Variants in COL22A1 observed in about 807,000 individuals in gnomAD.
The protein encoded by COL22A1 is collagen type XXII alpha 1 chain.
A neutral mutation model predicts 248.9 loss-of-function variants in COL22A1; 221 were observed. That is an observed-to-expected ratio of 0.89 (90% CI 0.80 to 0.99). The LOEUF is 0.99. Among genes scored for constraint, COL22A1 ranks in the 50% least tolerant of loss-of-function variants. The pLI is 0.00. For missense variants in COL22A1, 2,240 were observed against 2,179.0 expected (o/e 1.03, Z -0.56); for synonymous variants, 891 against 793.4 (o/e 1.12, Z -2.07).
intron 47 of COL22A1, among the ~76,000 whole-genome samples, chr8:138,639,238 C>T (rs1436600014): frequency 1.3e-5 from 2 of 152,212 alleles, no homozygotes; most frequent in African/African-American, 2.4e-5. Flanking sequence ...TGAGCTCACA[C>T]AGCTTATAGA....
intron 12 of COL22A1, among the ~76,000 whole-genome samples, chr8:138,785,536 T>C (rs1815442041): frequency 6.6e-6 from 1 of 152,204 alleles, no homozygotes; most frequent in Admixed American, 6.5e-5. Context: ...GAGATGTTGG[T>C]CACCCACTTA....
At chr8:138,847,079 C>T (rs1355710633) in intron 3 of COL22A1, among the ~76,000 whole-genome samples, 3 of 152,180 alleles carry the variant, frequency 2.0e-5, no homozygotes, top group Non-Finnish European at 4.4e-5. Flanking sequence ...CGTCAGGTCC[C>T]AGTGTCCAAG....
intron 56 of COL22A1, among the ~76,000 whole-genome samples, chr8:138,610,102 G>A (rs1206410328): frequency 1.3e-5 from 2 of 152,210 alleles, no homozygotes; most frequent in Non-Finnish European, 2.9e-5. Flanking sequence ...TCCAAATCCT[G>A]GCTGTGCCAC....
rs192542667 is a variant in COL22A1, at chr8:138,881,461, G to A, written c.91+1621C>T. On this transcript the variant is annotated intron_variant, in intron 2 of 64. Transcript: ENST00000303045. ...AGCACTTTGGGAGGCCGAGGCGGGCGGATCACGAGGTGAGGCGATCGAGAC... is the reference window on the plus strand; with the variant it reads ...AGCACTTTGGGAGGCCGAGGCGGGCAGATCACGAGGTGAGGCGATCGAGAC... 3.4e-3 allele frequency among the ~76,000 whole-genome samples: 512 copies of A among 152,216 alleles called. 3 individuals are homozygous for A. The highest frequency in any genetic ancestry group is 9.4e-3 in the African/African-American group (391 of 41,542).
intron 1 of COL22A1, among the ~76,000 whole-genome samples, chr8:138,890,286 G>T (rs560093460): frequency 6.6e-6 from 1 of 152,232 alleles, no homozygotes; most frequent in African/African-American, 2.4e-5. Flanking sequence ...ATCCTCAATG[G>T]TGAAAGACTG....
At chr8:138,739,453 A>G (rs776571736) in intron 22 of COL22A1, among the ~76,000 whole-genome samples, 7 of 151,634 alleles carry the variant, frequency 4.6e-5, no homozygotes, top group Admixed American at 6.6e-5. Flanking sequence ...CCAGAATAGC[A>G]CTCCCTCTGT....
At chr8:138,594,512 A>AGGACAGCCAC (rs1232953492) in intron 62 of COL22A1, among the ~76,000 whole-genome samples, 1 of 152,206 alleles carries the variant, frequency 6.6e-6, no homozygotes, top group East Asian at 1.9e-4. Context: ...CTGGGATCCC[A>AGGACAGCCAC]GGACAGCCAC....
At chr8:138,605,941 C>T (rs948988881) in intron 58 of COL22A1, among the ~76,000 whole-genome samples, 1 of 152,134 alleles carries the variant, frequency 6.6e-6, no homozygotes, top group Non-Finnish European at 1.5e-5. Context: ...CTATTATTTC[C>T]AGGGGTCCTT....
At chr8:138,631,172 T>C (rs550395147) in intron 49 of COL22A1, among the ~76,000 whole-genome samples, 1 of 152,306 alleles carries the variant, frequency 6.6e-6, no homozygotes, top group South Asian at 2.1e-4. Flanking sequence ...CAATAAAACC[T>C]CTTTTCTTTA....
At chr8:138,832,948 C>T (rs191048160) in intron 5 of COL22A1, 91 bp downstream of exon 5, 27 of 821,930 alleles carry the variant, frequency 3.3e-5, no homozygotes, top group Middle Eastern at 3.4e-4. Flanking sequence ...AAGCCCGGCT[C>T]GGTGCCAAGT....
chr8:138,671,355 G>A (rs1825009737), intron 41 of COL22A1, among the ~76,000 whole-genome samples: 1 of 152,150 alleles, frequency 6.6e-6, no homozygotes, highest in African/African-American at 2.4e-5. Context: ...TGAGAGAAAT[G>A]TAAAGAAACA....
intron 30 of COL22A1, among the ~76,000 whole-genome samples, chr8:138,705,047 T>A (rs1370877640): frequency 6.6e-6 from 1 of 151,874 alleles, no homozygotes; most frequent in East Asian, 1.9e-4. Flanking sequence ...GAAGATCAAA[T>A]GAATGAAATG....
intron 45 of COL22A1, among the ~76,000 whole-genome samples, chr8:138,654,849 TG>T (rs1219350925): frequency 6.6e-6 from 1 of 152,106 alleles, no homozygotes; most frequent in Non-Finnish European, 1.5e-5. Flanking sequence ...TTTCCTCTCG[TG>T]GGAAAAGCAA....
chr8:138,610,294 T>C (rs1295101870), intron 56 of COL22A1, among the ~76,000 whole-genome samples: 1 of 152,240 alleles, frequency 6.6e-6, no homozygotes, highest in Non-Finnish European at 1.5e-5. Context: ...GGTTGCCATA[T>C]GGCCTATTCT....
At chr8:138,790,248 G>C (rs1815910984) in intron 12 of COL22A1, among the ~76,000 whole-genome samples, 3 of 152,286 alleles carry the variant, frequency 2.0e-5, no homozygotes, top group South Asian at 4.1e-4. Flanking sequence ...ACCTGACATG[G>C]TGAAAAGGAC....
intron 4 of COL22A1, among the ~76,000 whole-genome samples, chr8:138,833,835 G>A (rs1436514701): frequency 6.6e-6 from 1 of 152,126 alleles, no homozygotes; most frequent in East Asian, 1.9e-4. Flanking sequence ...TTGATCCTGA[G>A]CGGCCATGTG....
chr8:138,694,716 T>C (rs1286397940), intron 33 of COL22A1, 110 bp downstream of exon 33: 1 of 1,408,044 alleles, frequency 7.1e-7, no homozygotes, highest in Non-Finnish European at 9.9e-7. Flanking sequence ...TTCCATTCAG[T>C]GTGGCTCCTG....
intron 44 of COL22A1, among the ~76,000 whole-genome samples, chr8:138,659,304 C>T (rs1019932335): frequency 1.3e-5 from 2 of 152,114 alleles, no homozygotes; most frequent in Admixed American, 1.3e-4. Context: ...CTCTGCTGTG[C>T]CCGCCAACTG....
At chr8:138,764,935 G>A (rs1003659786) in intron 16 of COL22A1, among the ~76,000 whole-genome samples, 14 of 152,186 alleles carry the variant, frequency 9.2e-5, no homozygotes, top group Admixed American at 4.6e-4. Flanking sequence ...CAGCCTGGGC[G>A]ACAGAGTGAG....
Sources: gnomAD v4.1 joint callset for allele counts (sites outside exome capture counted in the v4.1 genomes callset) on GRCh38, gnomAD v4.1.1 for gene constraint, MANE v1.5 for transcripts, NCBI Gene and HGNC (gene_info 2026-07-23, HGNC 2026-07-21) for gene names.